Variants in CSMD3 observed in about 807,000 individuals in gnomAD.
CSMD3 encodes the protein CUB and Sushi multiple domains 3, also known as CUB and sushi domain-containing protein 3.
Under a neutral mutation model 435.2 loss-of-function variants are expected in CSMD3, and 177 were observed. That is an observed-to-expected ratio of 0.41 (90% CI 0.36 to 0.46). CSMD3 has a LOEUF of 0.46. Among genes scored for constraint, CSMD3 ranks in the 20% least tolerant of loss-of-function variants. The pLI is 0.34. For synonymous variants in CSMD3, 1,656 were observed against 1,520.5 expected, an observed-to-expected ratio of 1.09 and a Z score of -2.07; for missense variants, 4,265 against 4,504.6, an observed-to-expected ratio of 0.95 and a Z score of 1.52.
intron 27 of CSMD3, among the ~76,000 whole-genome samples, chr8:112,532,136 G>A (rs2131078392): frequency 6.6e-6 from 1 of 151,934 alleles, no homozygotes; most frequent in Admixed American, 6.6e-5. Context: ...TTAAGCAGAA[G>A]AAAGAATTCA....
At position 112,237,359 on chromosome 8, in the gene CSMD3, A is replaced by T; in HGVS notation, c.10469-11T>A. On this transcript the variant is annotated splice_polypyrimidine_tract_variant and intron_variant, in intron 66 of 70. Transcript: ENST00000297405. ...ATACATCATCAGGAACTGTGAATAG[A>T]TTAAATATACCACACATTAATTTTA... is the stretch of plus-strand genomic sequence containing the variant. 6.4e-7 allele frequency: 1 copy of T among 1,573,998 alleles called. No individual in the cohort carries two copies. Among genetic ancestry groups the T allele is most frequent in the South Asian group, 1.1e-5 (1 of 90,230 alleles).
At chr8:112,776,425 G>A (rs1002938297) in intron 13 of CSMD3, among the ~76,000 whole-genome samples, 2 of 151,406 alleles carry the variant, frequency 1.3e-5, no homozygotes, top group Non-Finnish European at 3.0e-5. Context: ...CTAAGATTTA[G>A]GCAACAAGAA....
intron 59 of CSMD3, among the ~76,000 whole-genome samples, chr8:112,270,919 C>T (rs957417462): frequency 2.6e-5 from 4 of 151,986 alleles, no homozygotes; most frequent in Non-Finnish European, 4.4e-5. Flanking sequence ...TTGTCTTTAC[C>T]ACATAGTTTA....
chr8:112,640,155 T>C (rs1293889760), intron 20 of CSMD3, among the ~76,000 whole-genome samples: 2 of 152,064 alleles, frequency 1.3e-5, no homozygotes, highest in Non-Finnish European at 2.9e-5. Flanking sequence ...TTAATTACAC[T>C]GTCAAGAACA....
At chr8:112,939,594 T>C (rs1447858944) in intron 9 of CSMD3, among the ~76,000 whole-genome samples, 1 of 152,016 alleles carries the variant, frequency 6.6e-6, no homozygotes, top group Non-Finnish European at 1.5e-5. Context: ...ACAGATGCAA[T>C]GACATACTTG....
chr8:112,467,682 C>T (rs1818098391), intron 32 of CSMD3, among the ~76,000 whole-genome samples: 1 of 151,824 alleles, frequency 6.6e-6, no homozygotes, highest in South Asian at 2.1e-4. Flanking sequence ...TAGAGTGGGC[C>T]CTAAATCCAA....
chr8:113,386,766 T>C (rs901334871), intron 1 of CSMD3, among the ~76,000 whole-genome samples: 6 of 151,870 alleles, frequency 4.0e-5, no homozygotes, highest in African/African-American at 1.4e-4. Flanking sequence ...ATAAGATTAC[T>C]GAGCCTCACT....
At chr8:112,346,718 A>G (rs1174914747) in intron 40 of CSMD3, among the ~76,000 whole-genome samples, 1 of 112,180 alleles carries the variant, frequency 8.9e-6, no homozygotes, top group African/African-American at 3.6e-5. Context: ...TCTCTCTGTC[A>G]CCCAGGCTGG....
chr8:113,065,166 T>C (rs528166487), intron 5 of CSMD3, among the ~76,000 whole-genome samples: 5 of 152,200 alleles, frequency 3.3e-5, no homozygotes, highest in Non-Finnish European at 7.3e-5. Context: ...TACTAACCTA[T>C]ATTATTTTGC....
intron 5 of CSMD3, among the ~76,000 whole-genome samples, chr8:113,039,241 T>TA (rs1182325847): frequency 6.6e-6 from 1 of 152,098 alleles, no homozygotes; most frequent in Non-Finnish European, 1.5e-5. Context: ...GAATTAAAGA[T>TA]AAAATATGTT....
chr8:112,706,233 T>C (rs950285008), intron 13 of CSMD3, among the ~76,000 whole-genome samples: 31 of 152,040 alleles, frequency 2.0e-4, no homozygotes, highest in African/African-American at 6.8e-4. Context: ...CATTCAAATA[T>C]CTATCACTAT....
intron 32 of CSMD3, among the ~76,000 whole-genome samples, chr8:112,419,618 C>A (rs1006484901): frequency 2.0e-5 from 3 of 152,160 alleles, no homozygotes; most frequent in African/African-American, 7.2e-5. Flanking sequence ...TCCATAATAT[C>A]TACTTTCAGA....
intron 1 of CSMD3, among the ~76,000 whole-genome samples, chr8:113,404,227 T>C (rs1006447143): frequency 4.6e-5 from 7 of 151,386 alleles, no homozygotes; most frequent in East Asian, 1.9e-4. Flanking sequence ...TTATTCCTAA[T>C]AAAATTAATG....
chr8:112,971,693 C>A (rs1308102076), intron 7 of CSMD3, among the ~76,000 whole-genome samples: 1 of 152,124 alleles, frequency 6.6e-6, no homozygotes, highest in Non-Finnish European at 1.5e-5. Context: ...CTATTGTACA[C>A]TAATACAGCA....
At chr8:113,138,850 A>AC (rs1164637731) in intron 4 of CSMD3, among the ~76,000 whole-genome samples, 1 of 145,976 alleles carries the variant, frequency 6.9e-6, no homozygotes, top group Non-Finnish European at 1.5e-5. Flanking sequence ...TGTATATGTC[A>AC]CATACTACAT....
At chr8:112,491,586 T>C (rs1316344014) in intron 31 of CSMD3, among the ~76,000 whole-genome samples, 1 of 151,612 alleles carries the variant, frequency 6.6e-6, no homozygotes, top group East Asian at 1.9e-4. Context: ...GGAGGTGGAG[T>C]TGCAGTGAGC....
intron 63 of CSMD3, among the ~76,000 whole-genome samples, chr8:112,249,430 T>C (rs1815063001): frequency 2.6e-5 from 4 of 152,054 alleles, no homozygotes; most frequent in Admixed American, 2.6e-4. Flanking sequence ...TGAATCTATA[T>C]TTCCAACAAG....
At chr8:112,977,318 T>C (rs1215478549) in intron 6 of CSMD3, among the ~76,000 whole-genome samples, 1 of 152,030 alleles carries the variant, frequency 6.6e-6, no homozygotes, top group South Asian at 2.1e-4. Context: ...CCCTGAGTGG[T>C]ATATGTTTTT....
At chr8:112,977,764 T>A (rs1164711442) in intron 6 of CSMD3, among the ~76,000 whole-genome samples, 1 of 152,132 alleles carries the variant, frequency 6.6e-6, no homozygotes, top group Non-Finnish European at 1.5e-5. Flanking sequence ...ATGAATCAGA[T>A]AGCTTCTATT....
Sources: gnomAD v4.1 joint callset for allele counts (sites outside exome capture counted in the v4.1 genomes callset) on GRCh38, gnomAD v4.1.1 for gene constraint, MANE v1.5 for transcripts, NCBI Gene and HGNC (gene_info 2026-07-23, HGNC 2026-07-21) for gene names.